The following SLC4A5 variants were observed in gnomAD, a reference collection of about 807,000 sequenced individuals.
The protein encoded by SLC4A5 is electrogenic sodium bicarbonate cotransporter 4.
In SLC4A5, 96 loss-of-function variants were observed where a neutral mutation model predicts 120.4. The observed-to-expected ratio is 0.80, with a 90% CI of 0.68 to 0.94. SLC4A5 has a LOEUF of 0.94. SLC4A5 is among the 40% of genes least tolerant of loss of function. SLC4A5 has a pLI of 0.00. For synonymous variants in SLC4A5, 550 were observed against 571.1 expected (o/e 0.96, Z 0.53); for missense variants, 1,259 against 1,459.5 (o/e 0.86, Z 2.24).
At chr2:74,256,399 T>A (rs1364361340) in intron 12 of SLC4A5, among the ~76,000 whole-genome samples, 1 of 152,214 alleles carries the variant, frequency 6.6e-6, no homozygotes, top group African/African-American at 2.4e-5. Flanking sequence ...ACAGGCCTTA[T>A]TTTCCCTTTG....
At chr2:74,232,429 C>T in intron 24 of SLC4A5, 40 bp downstream of exon 24, 4 of 1,585,658 alleles carry the variant, frequency 2.5e-6, no homozygotes, top group Non-Finnish European at 3.4e-6. Context: ...CGAGTGGGCC[C>T]CTCCCCATTG....
intron 7 of SLC4A5, among the ~76,000 whole-genome samples, chr2:74,292,098 A>G (rs756056921): frequency 2.0e-5 from 3 of 152,214 alleles, no homozygotes; most frequent in Non-Finnish European, 4.4e-5. Context: ...TCATCTATGA[A>G]GCGGTAATAA....
chr2:74,283,053 T>C (rs1452756508), intron 8 of SLC4A5, among the ~76,000 whole-genome samples: 1 of 152,184 alleles, frequency 6.6e-6, no homozygotes, highest in African/African-American at 2.4e-5. Flanking sequence ...GCTCTCCCCA[T>C]GTATCTCTGA....
At chr2:74,224,774 C>T in intron 28 of SLC4A5, 66 bp downstream of exon 28, 3 of 1,565,204 alleles carry the variant, frequency 1.9e-6, no homozygotes, top group Non-Finnish European at 2.6e-6. Flanking sequence ...TCTCCCTGTC[C>T]CTGGCAAAAG....
At chr2:74,236,047 T>C (rs1670256961) in intron 21 of SLC4A5, among the ~76,000 whole-genome samples, 1 of 152,204 alleles carries the variant, frequency 6.6e-6, no homozygotes, top group African/African-American at 2.4e-5. Flanking sequence ...ACATAACATA[T>C]GTAATTGGTT....
intron 7 of SLC4A5, among the ~76,000 whole-genome samples, chr2:74,288,692 A>G (rs1381987101): frequency 1.3e-5 from 2 of 152,114 alleles, no homozygotes; most frequent in Non-Finnish European, 2.9e-5. Context: ...GTGTCATTTT[A>G]TAAATGAGGT....
At position 74,305,903 on chromosome 2, in the gene SLC4A5, T is replaced by G. The variant is rs565645934; in HGVS notation, c.80-1223A>C. ...CCATGCCTGGCTAATTTTTTGTATC[T>G]TTAGTAGAAACAGGGTTTCGCCATG... On this transcript the variant is annotated intron_variant, in intron 6 of 30. Coordinates refer to ENST00000394019, the Ensembl canonical transcript of SLC4A5. Among the ~76,000 whole-genome samples, 10 of 152,150 alleles carry G rather than the reference T, an allele frequency of 6.6e-5. No homozygotes were observed. The East Asian group carries it at 1.9e-3, about 29-fold the overall frequency.
chr2:74,328,775 A>T (rs900509929), intron 4 of SLC4A5, among the ~76,000 whole-genome samples: 4 of 152,322 alleles, frequency 2.6e-5, no homozygotes, highest in Admixed American at 6.5e-5. Flanking sequence ...TTGATAAAGG[A>T]TCTTATCACA....
rs148377285 is a variant in SLC4A5 at position 74,296,236 on chromosome 2, A to G, written c.271+8253T>C. Among the ~76,000 whole-genome samples the G allele has an allele frequency of 7.9e-5, 12 of 152,282 alleles. No homozygotes were observed. The East Asian group carries it at 2.1e-3, about 27-fold the overall frequency. ...GGTTTTAAGGTGTTAAAGGGCAAGA[A>G]GAGAGTGGTGTAGAAACAGACTTCC... On this transcript the variant is annotated intron_variant, in intron 7 of 30. Coordinates refer to ENST00000394019, the Ensembl canonical transcript of SLC4A5.
At chr2:74,242,126 A>G in intron 19 of SLC4A5, 74 bp from the exon 20 acceptor site, 1 of 1,390,214 alleles carries the variant, frequency 7.2e-7, no homozygotes, top group Admixed American at 1.8e-5. Context: ...ACCCCTTCCC[A>G]TCTCCTTCCA....
At chr2:74,295,001 C>G (rs1461479595) in intron 7 of SLC4A5, among the ~76,000 whole-genome samples, 1 of 152,056 alleles carries the variant, frequency 6.6e-6, no homozygotes, top group African/African-American at 2.4e-5. Flanking sequence ...TGCATAAGCG[C>G]TAGACTGATA....
intron 2 of SLC4A5, chr2:74,339,692 TG>T (rs1673581169): frequency 1.3e-5 from 2 of 152,250 alleles, no homozygotes; most frequent in African/African-American, 4.8e-5. Context: ...ATTCCACTTC[TG>T]GGTATACACC....
chr2:74,296,306 G>C (rs972718831), intron 7 of SLC4A5, among the ~76,000 whole-genome samples: 1 of 151,982 alleles, frequency 6.6e-6, no homozygotes, highest in African/African-American at 2.4e-5. Context: ...CCCAGGGTTG[G>C]GGGGAGCATA....
At chr2:74,252,511 A>G (rs1297500221) in intron 15 of SLC4A5, 123 bp from the exon 16 acceptor site, 1 of 1,106,954 alleles carries the variant, frequency 9.0e-7, no homozygotes, top group Non-Finnish European at 1.3e-6. Context: ...CAATATCCAC[A>G]CGCAGGTCAC....
At chr2:74,334,568 C>T (rs958856293) in intron 3 of SLC4A5, among the ~76,000 whole-genome samples, 4 of 152,172 alleles carry the variant, frequency 2.6e-5, no homozygotes, top group Non-Finnish European at 4.4e-5. Flanking sequence ...CTATCCAAAA[C>T]CACAGTATGT....
intron 22 of SLC4A5, among the ~76,000 whole-genome samples, chr2:74,234,164 T>C (rs1472149570): frequency 6.6e-6 from 1 of 150,836 alleles, no homozygotes; most frequent in African/African-American, 2.5e-5. Flanking sequence ...CTCTTTTTTT[T>C]TTCTTTCTTT....
chr2:74,304,468 T>G (rs970275227), intron 7 of SLC4A5, 21 bp downstream of exon 7: 1 of 1,590,270 alleles, frequency 6.3e-7, no homozygotes, highest in Non-Finnish European at 8.6e-7. Context: ...CTCCCCAGAA[T>G]GTACCCCTCA....
chr2:74,253,019 T>G lies in SLC4A5; in HGVS notation c.1223A>C (p.Asn408Thr), dbSNP rs773416798. ...CTTCTTGGGGGGCTCAATCCGGATA[T>G]TTGGGTCCCATTCTCCAGGAGGAAG... The change falls in exon 15 of 31, where the codon AAT becomes ACT. Residue 408 changes from asparagine (N) to threonine (T), a missense_variant. Coordinates refer to ENST00000394019, the Ensembl canonical transcript of SLC4A5. The G allele has an allele frequency of 3.7e-6, 6 of 1,614,220 alleles. No individual in the cohort carries two copies. Among genetic ancestry groups the G allele is most frequent in the Non-Finnish European group, 5.1e-6 (6 of 1,180,032 alleles).
At chr2:74,228,081 G>C (rs1558866480) in intron 25 of SLC4A5, among the ~76,000 whole-genome samples, 1 of 152,196 alleles carries the variant, frequency 6.6e-6, no homozygotes, top group Non-Finnish European at 1.5e-5. Context: ...GGCTGGGGTA[G>C]CTGGCCCAGC....
Sources: allele counts gnomAD v4.1 joint callset (sites outside exome capture counted in the v4.1 genomes callset), GRCh38; gene constraint gnomAD v4.1.1; transcripts MANE v1.5; gene names NCBI Gene and HGNC (gene_info 2026-07-23, HGNC 2026-07-21).